RIMS4: variants seen among roughly 807,000 people sequenced by gnomAD.
The protein encoded by RIMS4 is regulating synaptic membrane exocytosis 4.
RIMS4 carries 9 observed loss-of-function variants against 29.0 expected under a neutral mutation model. The observed-to-expected ratio is 0.31, with a 90% CI of 0.19 to 0.54. RIMS4 has a LOEUF of 0.54. Ranked by LOEUF, RIMS4 falls within the 20% of genes least tolerant of loss-of-function variation. RIMS4 has a pLI of 0.94. For missense variants in RIMS4, 193 were observed against 365.7 expected (o/e 0.53, Z 3.85); for synonymous variants, 130 against 152.9 (o/e 0.85, Z 1.10).
intron 1 of RIMS4, among the ~76,000 whole-genome samples, chr20:44,772,601 C>T (rs185308766): frequency 1.3e-5 from 2 of 152,316 alleles, no homozygotes; most frequent in Non-Finnish European, 2.9e-5. Context: ...AGCCAGGACA[C>T]AGCCCCGGGA....
At chr20:44,776,846 C>G (rs2066162340) in intron 1 of RIMS4, among the ~76,000 whole-genome samples, 1 of 152,170 alleles carries the variant, frequency 6.6e-6, no homozygotes, top group Non-Finnish European at 1.5e-5. Flanking sequence ...CTACTGCCCC[C>G]CTTTACAGAG....
At chr20:44,768,056 G>C (rs1377660223) in intron 2 of RIMS4, among the ~76,000 whole-genome samples, 4 of 152,138 alleles carry the variant, frequency 2.6e-5, no homozygotes. Flanking sequence ...CATAACCCGG[G>C]ACTCAAGGCA....
chr20:44,770,537 T>C (rs2066132383), intron 2 of RIMS4, among the ~76,000 whole-genome samples: 1 of 152,148 alleles, frequency 6.6e-6, no homozygotes, highest in Non-Finnish European at 1.5e-5. Context: ...GAGAAACCCC[T>C]AGTCTAGGTG....
intron 1 of RIMS4, among the ~76,000 whole-genome samples, chr20:44,786,024 C>T (rs1337629783): frequency 1.3e-5 from 2 of 152,160 alleles, no homozygotes. Flanking sequence ...TCATGCCACA[C>T]TGGGCAAAGA....
At chr20:44,807,207 G>C (rs763456075) in intron 1 of RIMS4, among the ~76,000 whole-genome samples, 67 of 152,302 alleles carry the variant, frequency 4.4e-4, no homozygotes, top group South Asian at 1.4e-3. Flanking sequence ...CCCCTTGAGA[G>C]GAATTCTGGG....
chr20:44,763,001 A>C (rs1273602100), intron 2 of RIMS4, among the ~76,000 whole-genome samples: 1 of 152,208 alleles, frequency 6.6e-6, no homozygotes, highest in Non-Finnish European at 1.5e-5. Flanking sequence ...TCAGTTTCAA[A>C]TGTTTTTCAA....
chr20:44,778,171 T>A (rs2066168689), intron 1 of RIMS4, among the ~76,000 whole-genome samples: 1 of 152,178 alleles, frequency 6.6e-6, no homozygotes, highest in Non-Finnish European at 1.5e-5. Flanking sequence ...TCTGGCTGTG[T>A]CTCCAAGGAT....
intron 1 of RIMS4, among the ~76,000 whole-genome samples, chr20:44,807,181 T>C (rs920840077): frequency 6.6e-6 from 1 of 152,114 alleles, no homozygotes; most frequent in African/African-American, 2.4e-5. Flanking sequence ...AAGTTCAAAG[T>C]GCACGAGGGA....
chr20:44,810,102 G>A, intron 1 of RIMS4, 73 bp downstream of exon 1: 1 of 870,186 alleles, frequency 1.1e-6, no homozygotes, highest in Non-Finnish European at 1.8e-6. Context: ...GAGGGCGCAC[G>A]GGTCGGGGAG....
At chr20:44,766,251 G>A (rs1295822219) in intron 2 of RIMS4, among the ~76,000 whole-genome samples, 1 of 152,144 alleles carries the variant, frequency 6.6e-6, no homozygotes, top group Non-Finnish European at 1.5e-5. Flanking sequence ...AGCACTCCAG[G>A]GAACCACTAT....
At chr20:44,770,937 G>C (rs2066134599) in intron 2 of RIMS4, among the ~76,000 whole-genome samples, 1 of 152,148 alleles carries the variant, frequency 6.6e-6, no homozygotes, top group South Asian at 2.1e-4. Flanking sequence ...GCATTATATG[G>C]ATTGTAAACG....
intron 1 of RIMS4, among the ~76,000 whole-genome samples, chr20:44,801,495 T>G (rs1056293717): frequency 6.6e-6 from 1 of 152,214 alleles, no homozygotes; most frequent in Non-Finnish European, 1.5e-5. Flanking sequence ...TTCTTCCCAG[T>G]AGAGGTTTGT....
At chr20:44,801,497 G>A (rs1239116072) in intron 1 of RIMS4, among the ~76,000 whole-genome samples, 1 of 152,140 alleles carries the variant, frequency 6.6e-6, no homozygotes, top group Non-Finnish European at 1.5e-5. Context: ...CTTCCCAGTA[G>A]AGGTTTGTCC....
rs936544464 is a variant in RIMS4 at position 44,770,520 on chromosome 20, T to C, written c.236+755A>G. On this transcript the variant is annotated intron_variant, in intron 2 of 5. Coordinates refer to ENST00000372851, the MANE Select transcript of RIMS4 (RefSeq NM_182970.4). ...TTCCTGAAATTCTTAAAGGGGTCTG[T>C]GAAAATGAGAAACCCCTAGTCTAGG... 5.9e-5 allele frequency among the ~76,000 whole-genome samples: 9 copies of C among 152,120 alleles called. No individual in the cohort carries two copies. In the East Asian group the frequency reaches 1.7e-3, roughly 29 times the overall value.
chr20:44,777,637 C>T (rs965633639), intron 1 of RIMS4, among the ~76,000 whole-genome samples: 3 of 152,176 alleles, frequency 2.0e-5, no homozygotes, highest in South Asian at 2.1e-4. Context: ...CTCTTAACCA[C>T]GAGACCTCAG....
intron 1 of RIMS4, among the ~76,000 whole-genome samples, chr20:44,773,062 C>T (rs2066144014): frequency 6.6e-6 from 1 of 152,216 alleles, no homozygotes; most frequent in African/African-American, 2.4e-5. Flanking sequence ...CAGACACCCA[C>T]ACTCAGAAAA....
At chr20:44,771,572 C>T (rs1474176351) in intron 1 of RIMS4, among the ~76,000 whole-genome samples, 159 bp from the exon 2 acceptor site, 1 of 152,234 alleles carries the variant, frequency 6.6e-6, no homozygotes, top group Non-Finnish European at 1.5e-5. Flanking sequence ...CTGGCCTCAC[C>T]AGTAACCACT....
intron 1 of RIMS4, among the ~76,000 whole-genome samples, chr20:44,809,386 G>C (rs774309863): frequency 5.3e-5 from 8 of 152,066 alleles, no homozygotes; most frequent in Non-Finnish European, 8.8e-5. Flanking sequence ...CCCACCCCTC[G>C]CTCTGGCTGA....
chr20:44,756,123 C>G lies in RIMS4; in HGVS notation c.*11G>C. 6.3e-7 allele frequency: 1 copy of G among 1,580,864 alleles called. No homozygotes were observed. Among genetic ancestry groups the G allele is most frequent in the South Asian group, 1.2e-5 (1 of 86,772 alleles). ...CCAGGCCATCTTGGGGAGCCCCTCCCCATTCCAGCACTAAGATCGTTCTCC... is the reference window on the plus strand; with the variant it reads ...CCAGGCCATCTTGGGGAGCCCCTCCGCATTCCAGCACTAAGATCGTTCTCC... On this transcript the variant is annotated 3_prime_UTR_variant, in exon 6 of 6. Transcript: ENST00000372851. This position sits in a 1 kb window ranked among gnomAD's most constrained non-coding sequence, Gnocchi z 5.9.
Sources: allele counts gnomAD v4.1 joint callset (sites outside exome capture counted in the v4.1 genomes callset), GRCh38; gene constraint gnomAD v4.1.1; non-coding constraint Gnocchi (gnomAD v3.1); transcripts MANE v1.5; gene names NCBI Gene and HGNC (gene_info 2026-07-23, HGNC 2026-07-21).